ERICH3: variants seen among roughly 807,000 people sequenced by gnomAD.
ERICH3 encodes glutamate-rich protein 3.
ERICH3 carries 126 observed loss-of-function variants against 131.1 expected under a neutral mutation model. The observed-to-expected ratio is 0.96, with a 90% CI of 0.83 to 1.11. The LOEUF (loss-of-function observed/expected upper bound fraction) is 1.11, where lower values mean the gene tolerates loss of function less well. Among genes scored for constraint, ERICH3 ranks in the 50% most tolerant of loss-of-function variants. The pLI, the probability that ERICH3 is intolerant of heterozygous loss-of-function variation, is 0.00. For synonymous variants in ERICH3, 695 were observed against 644.6 expected, an observed-to-expected ratio of 1.08 and a Z score of -1.18; for missense variants, 2,050 against 1,810.7, an observed-to-expected ratio of 1.13 and a Z score of -2.40.
intron 1 of ERICH3, among the ~76,000 whole-genome samples, 181 bp downstream of exon 1, chr1:74,673,316 C>T (rs968926071): frequency 3.9e-5 from 6 of 152,020 alleles, no homozygotes; most frequent in African/African-American, 9.7e-5. Context: ...AGGGAGGAGA[C>T]ATGATGCCTG....
At chr1:74,617,632 A>G (rs1166944009) in intron 8 of ERICH3, among the ~76,000 whole-genome samples, 11 of 152,234 alleles carry the variant, frequency 7.2e-5, no homozygotes, top group Non-Finnish European at 1.6e-4. Flanking sequence ...GGAAATGTCC[A>G]GAAAAGAAAA....
chr1:74,576,758 T>A, intron 13 of ERICH3, 137 bp downstream of exon 13: 1 of 735,232 alleles, frequency 1.4e-6, no homozygotes, highest in Non-Finnish European at 2.2e-6. Context: ...TATATTCAAA[T>A]AAGCACACTT....
chr1:74,613,021 CAAAA>C (rs570518414), intron 8 of ERICH3, among the ~76,000 whole-genome samples: 1 of 147,018 alleles, frequency 6.8e-6, no homozygotes, highest in East Asian at 2.0e-4. Context: ...GAGCTAAAAA[CAAAA>C]AAAAAAGTTC....
chr1:74,652,354 C>A (rs945061587), intron 1 of ERICH3, among the ~76,000 whole-genome samples: 1 of 152,088 alleles, frequency 6.6e-6, no homozygotes, highest in Non-Finnish European at 1.5e-5. Flanking sequence ...GTGTCAGCTA[C>A]ACTGTGGTCT....
At chr1:74,636,124 A>G (rs1646386882) in intron 6 of ERICH3, among the ~76,000 whole-genome samples, 156 bp downstream of exon 6, 1 of 152,230 alleles carries the variant, frequency 6.6e-6, no homozygotes. Context: ...TGAGTAAGAC[A>G]TAATTAATCA....
At chr1:74,635,098 G>A (rs72968106) in intron 6 of ERICH3, among the ~76,000 whole-genome samples, 10 of 152,114 alleles carry the variant, frequency 6.6e-5, no homozygotes, top group African/African-American at 1.2e-4. Context: ...TTTTGAGTTC[G>A]TTTAGTTAGC....
chr1:74,571,221 G>A lies in ERICH3; in HGVS notation c.4489C>T (p.Leu1497Phe). Residue 1497 changes from leucine (L) to phenylalanine (F), a missense_variant, in exon 14 of 15, where the codon CTT (leucine) becomes TTT (phenylalanine). Physicochemically the swap from Leu to Phe is conservative, Grantham distance 22. Transcript: ENST00000326665. ...TCAGTGAAATCAGGCTTCACTGGAA[G>A]TGTTGCCATCGCCTGTAGACTCTCC... ...SPESLQAMAT[L>F]PVKPDFTETR... 3 of 1,614,104 alleles carry A rather than the reference G, an allele frequency of 1.9e-6. No individual in the cohort carries two copies. Among genetic ancestry groups the A allele is most frequent in the African/African-American group, 1.3e-5 (1 of 75,016 alleles).
At position 74,606,853 on chromosome 1, in the gene ERICH3, T is replaced by C. The variant is rs781579779; in HGVS notation, c.1237A>G (p.Arg413Gly). The change falls in exon 10 of 15, where the codon AGG becomes GGG. Residue 413 changes from arginine to glycine, a missense_variant. By Grantham distance (125) the Arg-to-Gly change is moderately radical. Transcript: ENST00000326665. ...CCTTTCTCAGTGCTCTTTTCTTTCC[T>C]AGATTTCGGCAAAGACGGTTTTTTG... Reference protein sequence around the residue: ...LDKKPSLPKSRKEKSTEKGEE... With the variant: ...LDKKPSLPKSGKEKSTEKGEE... The C allele has an allele frequency of 8.1e-6, 13 of 1,612,244 alleles. No homozygotes were observed. The African/African-American group carries it at 1.6e-4, about 20-fold the overall frequency.
chr1:74,616,548 A>T (rs1648975419), intron 8 of ERICH3, among the ~76,000 whole-genome samples: 1 of 152,160 alleles, frequency 6.6e-6, no homozygotes, highest in Non-Finnish European at 1.5e-5. Flanking sequence ...CTGGTGGAAA[A>T]TAAAAGTTGG....
chr1:74,625,155 C>T (rs1358905515), intron 7 of ERICH3: 1 of 152,004 alleles, frequency 6.6e-6, no homozygotes, highest in East Asian at 1.9e-4. Context: ...CTGTGAGTAA[C>T]AATCTATCTT....
At position 74,572,979 on chromosome 1, in the gene ERICH3, G is replaced by C; in HGVS notation, c.2731C>G (p.Leu911Val). ...ACTTCATGAAGATGCTCCAAGTTCA[G>C]GGCTGCTGCTTCATTTGCAAGCACT... ...KAVLANEAAA[L>V]NLEHLHEVAA... The change falls in exon 14 of 15, where the codon CTG (leucine) becomes GTG (valine). Residue 911 changes from leucine (L) to valine (V), a missense_variant. Coordinates refer to ENST00000326665, the MANE Select transcript of ERICH3 (RefSeq NM_001002912.5). The C allele has an allele frequency of 6.2e-7, 1 of 1,614,090 alleles. No homozygotes were observed. The highest frequency in any genetic ancestry group is 8.5e-7 in the Non-Finnish European group (1 of 1,180,032).
At chr1:74,657,018 G>C (rs1449739334) in intron 1 of ERICH3, among the ~76,000 whole-genome samples, 2 of 152,156 alleles carry the variant, frequency 1.3e-5, no homozygotes, top group Non-Finnish European at 2.9e-5. Flanking sequence ...GTACAAATCA[G>C]TTAATGGAAA....
chr1:74,640,443 A>C (rs1334134177), intron 5 of ERICH3, among the ~76,000 whole-genome samples: 1 of 152,188 alleles, frequency 6.6e-6, no homozygotes, highest in South Asian at 2.1e-4. Context: ...TATGTGATGA[A>C]CCTACTTCAA....
chr1:74,599,974 C>G (rs1648049654), intron 10 of ERICH3, 43 bp from the exon 11 acceptor site: 1 of 1,381,846 alleles, frequency 7.2e-7, no homozygotes, highest in Non-Finnish European at 1.0e-6. Flanking sequence ...AAATAGAACC[C>G]CTTATACTTA....
rs191542136 is a variant in ERICH3 at position 74,576,195 on chromosome 1, A to G, written c.2218+700T>C. Among the ~76,000 whole-genome samples, 191 of 152,350 alleles carry G rather than the reference A, an allele frequency of 1.3e-3. 1 individual carries two copies. The highest frequency in any genetic ancestry group is 4.5e-3 in the African/African-American group (187 of 41,588). ...TGACAGTAAATGAGATAATTTATGT[A>G]AAATGCTTAGCATAGTGCCTGGCAT... On this transcript the variant is annotated intron_variant, in intron 13 of 14. Coordinates refer to ENST00000326665, the MANE Select transcript of ERICH3 (RefSeq NM_001002912.5).
At chr1:74,654,843 T>C (rs1646570067) in intron 1 of ERICH3, among the ~76,000 whole-genome samples, 1 of 152,188 alleles carries the variant, frequency 6.6e-6, no homozygotes, top group Non-Finnish European at 1.5e-5. Flanking sequence ...ACCTAAGGCT[T>C]ATTCCTGCTA....
intron 11 of ERICH3, among the ~76,000 whole-genome samples, chr1:74,593,666 C>G (rs900487018): frequency 2.0e-5 from 3 of 152,034 alleles, no homozygotes; most frequent in Non-Finnish European, 4.4e-5. Context: ...TAAAACCAAT[C>G]ATGATTATGC....
chr1:74,620,026 C>T (rs1340835336), intron 8 of ERICH3, among the ~76,000 whole-genome samples: 3 of 152,106 alleles, frequency 2.0e-5, no homozygotes, highest in Non-Finnish European at 2.9e-5. Context: ...TATCCAAATA[C>T]GTATATTTCT....
chr1:74,614,458 C>T (rs1257689629), intron 8 of ERICH3, among the ~76,000 whole-genome samples: 1 of 149,876 alleles, frequency 6.7e-6, no homozygotes, highest in Non-Finnish European at 1.5e-5. Flanking sequence ...GGGTGGATCA[C>T]GGGGTCAGGA....
Sources: allele counts gnomAD v4.1 joint callset (sites outside exome capture counted in the v4.1 genomes callset), GRCh38; gene constraint gnomAD v4.1.1; transcripts MANE v1.5; gene names NCBI Gene and HGNC (gene_info 2026-07-23, HGNC 2026-07-21).